LOXL2: variants seen among roughly 807,000 people sequenced by gnomAD.
LOXL2 encodes lysyl oxidase homolog 2.
A neutral mutation model predicts 93.0 loss-of-function variants in LOXL2; 70 were observed. That is an observed-to-expected ratio of 0.75 (90% CI 0.62 to 0.92). LOXL2 has a LOEUF of 0.92. LOXL2 is among the 40% of genes least tolerant of loss of function. The pLI is 0.00. For synonymous variants in LOXL2, 438 were observed against 413.2 expected (o/e 1.06, Z -0.73); for missense variants, 973 against 1,054.9 (o/e 0.92, Z 1.08).
chr8:23,366,834 C>A (rs372206553), intron 2 of LOXL2, among the ~76,000 whole-genome samples: 169 of 152,268 alleles, frequency 1.1e-3, no homozygotes, highest in African/African-American at 3.8e-3. Flanking sequence ...AGAAACAATT[C>A]CCTCCACCCT....
chr8:23,333,319 C>A (rs1250164046), intron 5 of LOXL2, 82 bp downstream of exon 5: 7 of 1,316,896 alleles, frequency 5.3e-6, no homozygotes, highest in Non-Finnish European at 6.5e-6. Context: ...TCCTCACTCT[C>A]CTGGGGGATC....
chr8:23,369,288 C>T (rs901362734), intron 1 of LOXL2, among the ~76,000 whole-genome samples: 10 of 152,086 alleles, frequency 6.6e-5, no homozygotes, highest in Non-Finnish European at 1.0e-4. Flanking sequence ...TAAGAATTCC[C>T]GAGTGAAATC....
At chr8:23,322,308 A>T in intron 6 of LOXL2, 27 bp from the exon 7 acceptor site, 1 of 1,602,120 alleles carries the variant, frequency 6.2e-7, no homozygotes, top group Non-Finnish European at 8.5e-7. Flanking sequence ...AACATGCTCT[A>T]TGAAAGCTTT....
chr8:23,307,601 A>C (rs1803249428), intron 10 of LOXL2, among the ~76,000 whole-genome samples: 1 of 152,134 alleles, frequency 6.6e-6, no homozygotes, highest in Non-Finnish European at 1.5e-5. Flanking sequence ...CCTACCATGT[A>C]ATCTGTGGGT....
At chr8:23,350,838 G>C (rs1804080368) in intron 3 of LOXL2, among the ~76,000 whole-genome samples, 1 of 152,146 alleles carries the variant, frequency 6.6e-6, no homozygotes, top group Non-Finnish European at 1.5e-5. Flanking sequence ...CAGCCACTTG[G>C]GTAGGTAACA....
chr8:23,396,523 G>A (rs1800091258), intron 1 of LOXL2, among the ~76,000 whole-genome samples: 1 of 152,130 alleles, frequency 6.6e-6, no homozygotes, highest in Non-Finnish European at 1.5e-5. Flanking sequence ...GGGGCAGCCT[G>A]GAATGATCCT....
intron 1 of LOXL2, among the ~76,000 whole-genome samples, chr8:23,384,234 G>C (rs541721439): frequency 2.0e-5 from 3 of 152,358 alleles, no homozygotes; most frequent in African/African-American, 7.2e-5. Context: ...GTTGGACCAA[G>C]GAGGTGCAGA....
chr8:23,311,426 G>A (rs1803317575), intron 9 of LOXL2, among the ~76,000 whole-genome samples: 1 of 152,252 alleles, frequency 6.6e-6, no homozygotes, highest in Non-Finnish European at 1.5e-5. Context: ...TACACCGAGT[G>A]TTCTGGGCAC....
intron 9 of LOXL2, among the ~76,000 whole-genome samples, chr8:23,314,831 AG>A (rs1271949593): frequency 2.3e-5 from 1 of 42,584 alleles, no homozygotes; most frequent in African/African-American, 2.3e-4. Context: ...AAACGAAAAA[AG>A]AAAAAAATAA....
Position 23,368,329 on chromosome 8 carries a change from T to G in LOXL2, c.23A>C (p.His8Pro). 6.2e-7 allele frequency: 1 copy of G among 1,611,964 alleles called. No homozygotes were observed. The highest frequency in any genetic ancestry group is 8.5e-7 in the Non-Finnish European group (1 of 1,179,888). The part of the protein sequence containing the change: MERPLCS[H>P]LCSCLAMLAL... ...CAGCATAGCCAGGCAGCTGCAGAGG[T>G]GGGAGCACAGAGGCCTCTCCATCCC... Residue 8 changes from histidine (H) to proline (P), a missense_variant, in exon 2 of 14, where the codon CAC becomes CCC. By Grantham distance (77) the His-to-Pro change is moderately conservative. Coordinates refer to ENST00000389131, the MANE Select transcript of LOXL2 (RefSeq NM_002318.3).
In LOXL2 at chr8:23,298,087, C is replaced by T. The variant is rs1803068145; in HGVS notation, c.2281G>A (p.Glu761Lys). The change falls in exon 14 of 14, where the codon GAG becomes AAG. Residue 761 changes from glutamate to lysine, a missense_variant. Glu to Lys is a moderately conservative substitution (Grantham distance 56). Coordinates refer to ENST00000389131, the MANE Select transcript of LOXL2 (RefSeq NM_002318.3). ...SFSEETEKKF[E>K]HFSGLLNNQL... is the part of the protein sequence containing the mutation. ...TTGTTTAAGAGCCCGCTGAAGTGCTCAAACTTTTTTTCCGTCTCTTCGCTG... is the reference window on the plus strand; with the variant it reads ...TTGTTTAAGAGCCCGCTGAAGTGCTTAAACTTTTTTTCCGTCTCTTCGCTG... 2 of 1,613,866 alleles carry T rather than the reference C, an allele frequency of 1.2e-6. No homozygotes were observed. Among genetic ancestry groups the T allele is most frequent in the East Asian group, 4.5e-5 (2 of 44,888 alleles).
chr8:23,341,266 G>A (rs2117181528), intron 3 of LOXL2, 63 bp from the exon 4 acceptor site: 1 of 1,337,394 alleles, frequency 7.5e-7, no homozygotes, highest in African/African-American at 1.4e-5. Flanking sequence ...GAGACACCAG[G>A]CAACCAGTAC....
rs1346386720 is a variant in LOXL2 at position 23,388,039 on chromosome 8, TC to T, written c.-84+15914del. Among the ~76,000 whole-genome samples the T allele has an allele frequency of 3.3e-5, 5 of 152,304 alleles. 1 individual carries two copies. The highest frequency in any genetic ancestry group is 6.8e-3 in the Middle Eastern group (2 of 294). On this transcript the variant is annotated intron_variant, in intron 1 of 13. Transcript: ENST00000389131. ...AAATCAAAGATCATGCTTCTTAAGT[TC>T]CTAGACCATAGCAGGTGGCCAATAA... is the stretch of plus-strand genomic sequence containing the variant.
In LOXL2 at chr8:23,320,116, C is replaced by A. The variant is rs984014588; in HGVS notation, c.1303-64G>T. On this transcript the variant is annotated intron_variant, in intron 7 of 13. Coordinates refer to ENST00000389131, the MANE Select transcript of LOXL2 (RefSeq NM_002318.3). ...CAAGGGAGCTTCCCCCCTACGCTGCCATCAGCCCCAGTGTCCTGGAGTCCT... is the reference window on the plus strand; with the variant it reads ...CAAGGGAGCTTCCCCCCTACGCTGCAATCAGCCCCAGTGTCCTGGAGTCCT... The A allele has an allele frequency of 6.5e-6, 10 of 1,538,858 alleles. No individual in the cohort carries two copies. In the South Asian group the frequency reaches 9.3e-5, roughly 14 times the overall value.
At chr8:23,343,059 AAC>A (rs1230466845) in intron 3 of LOXL2, among the ~76,000 whole-genome samples, 7 of 152,150 alleles carry the variant, frequency 4.6e-5, no homozygotes, top group African/African-American at 1.7e-4. Context: ...CTCTTTCTAA[AAC>A]ACAGATCTAA....
At chr8:23,321,201 C>A in intron 7 of LOXL2, among the ~76,000 whole-genome samples, 1 of 152,276 alleles carries the variant, frequency 6.6e-6, no homozygotes, top group South Asian at 2.1e-4. Context: ...GCTCTGGCTG[C>A]GGAATGTGGC....
intron 1 of LOXL2, 41 bp from the exon 2 acceptor site, chr8:23,368,475 C>T: frequency 1.3e-6 from 1 of 751,462 alleles, no homozygotes; most frequent in Non-Finnish European, 2.3e-6. Flanking sequence ...GAACGTGGGG[C>T]TACGGAGACC....
At chr8:23,388,458 C>A (rs1036332983) in intron 1 of LOXL2, among the ~76,000 whole-genome samples, 1 of 151,930 alleles carries the variant, frequency 6.6e-6, no homozygotes, top group Non-Finnish European at 1.5e-5. Flanking sequence ...GTAGCAAATG[C>A]CTATTGTTCC....
rs376680910 is a variant in LOXL2, at chr8:23,309,795, C to G, written c.1753G>C (p.Ala585Pro). The G allele has an allele frequency of 1.9e-6, 3 of 1,603,554 alleles. No individual in the cohort carries two copies. The African/African-American group carries it at 4.0e-5, about 22-fold the overall frequency. ...MEENCLSASA[A>P]QTDPTTGYRR... is the part of the protein sequence containing the mutation. The stretch of plus-strand genomic sequence containing the variant: ...TAGCCCGTGGTGGGGTCGGTCTGCG[C>G]GGCTGAGGCCGAGAGGCAGTTCTCC... Residue 585 changes from alanine to proline, a missense_variant, in exon 10 of 14, where the codon GCG becomes CCG. Ala to Pro is a conservative substitution (Grantham distance 27, BLOSUM62 -1). Coordinates refer to ENST00000389131, the MANE Select transcript of LOXL2 (RefSeq NM_002318.3).
Sources: gnomAD v4.1 joint callset for allele counts (sites outside exome capture counted in the v4.1 genomes callset) on GRCh38, gnomAD v4.1.1 for gene constraint, MANE v1.5 for transcripts, NCBI Gene and HGNC (gene_info 2026-07-23, HGNC 2026-07-21) for gene names.